ZNF683: variants seen among roughly 807,000 people sequenced by gnomAD.
The protein encoded by ZNF683 is tissue-resident T-cell transcription regulator protein ZNF683.
Under a neutral mutation model 31.4 loss-of-function variants are expected in ZNF683, and 20 were observed. The observed-to-expected ratio is 0.64, with a 90% CI of 0.45 to 0.93. The LOEUF is 0.93. ZNF683 is among the 40% of genes least tolerant of loss of function. ZNF683 has a pLI of 0.00. For missense variants in ZNF683, 621 were observed against 637.2 expected, an observed-to-expected ratio of 0.97 and a Z score of 0.27; for synonymous variants, 264 against 267.6, an observed-to-expected ratio of 0.99 and a Z score of 0.13.
upstream of ZNF683, among the ~76,000 whole-genome samples, chr1:26,374,025 C>T (rs548257075): frequency 6.6e-6 from 1 of 151,836 alleles, no homozygotes; most frequent in East Asian, 1.9e-4. Flanking sequence ...CAGCCACCCC[C>T]TCATTTCTTT....
chr1:26,364,801 G>A lies in ZNF683; in HGVS notation c.745C>T (p.Arg249Trp), dbSNP rs747142995. 37 of 1,285,944 alleles carry A rather than the reference G, an allele frequency of 2.9e-5. No homozygotes were observed. The highest frequency in any genetic ancestry group is 3.8e-4 in the Middle Eastern group (2 of 5,310). The allele number at this position is 1,285,944 out of a possible 1,614,324, so 79.7% of individuals were successfully genotyped here. Reference sequence around the variant, plus strand: ...GGGTAGGGAAGCAGGGTCTCCCACCGAGCGCTGGGGTGCCCCAGCTCATTG... The same window carrying A: ...GGGTAGGGAAGCAGGGTCTCCCACCAAGCGCTGGGGTGCCCCAGCTCATTG... ...MVNELGHPSA[R>W]WETLLPYPGA... The change falls in exon 4 of 6, where the codon CGG (arginine) becomes TGG (tryptophan). Residue 249 changes from arginine (R) to tryptophan (W), a missense_variant. Arg to Trp is a moderately radical substitution (Grantham distance 101). Coordinates refer to ENST00000349618, the MANE Select transcript of ZNF683 (RefSeq NM_001114759.3).
At position 26,365,067 on chromosome 1, in the gene ZNF683, G is replaced by T. The variant is rs369383544; in HGVS notation, c.479C>A (p.Pro160Gln). Residue 160 changes from proline to glutamine, a missense_variant, in exon 4 of 6, where the codon CCG becomes CAG. By Grantham distance (76) the Pro-to-Gln change is moderately conservative. Transcript: ENST00000349618. ...FSSHNSSSPPPLQNRKSPSPL... is the reference protein window; with the variant it reads ...FSSHNSSSPPQLQNRKSPSPL... ...GCTGGGGCTCTTTCTGTTCTGCAGC[G>T]GTGGTGGGGAAGAGCTGTTATGAGA... 1.2e-6 allele frequency: 2 copies of T among 1,606,930 alleles called. No homozygotes were observed. The highest frequency in any genetic ancestry group is 4.5e-5 in the East Asian group (2 of 44,772).
intron 4 of ZNF683, among the ~76,000 whole-genome samples, chr1:26,364,320 G>A (rs2074460066): frequency 6.6e-6 from 1 of 152,120 alleles, no homozygotes; most frequent in Non-Finnish European, 1.5e-5. Flanking sequence ...TAAATGAGAC[G>A]ATCTCATAGG....
intron 1 of ZNF683, chr1:26,370,539 A>T: frequency 3.4e-6 from 2 of 591,200 alleles, no homozygotes; most frequent in East Asian, 1.5e-4. Flanking sequence ...AGACCCTAAG[A>T]CCCTCACTCC....
intron 1 of ZNF683, among the ~76,000 whole-genome samples, chr1:26,371,295 G>A (rs1356373458): frequency 2.0e-5 from 3 of 152,100 alleles, no homozygotes; most frequent in African/African-American, 7.2e-5. Context: ...GGCCCCAAGA[G>A]GCAAAAGATA....
In ZNF683 at chr1:26,364,644, C is replaced by T; in HGVS notation, c.902G>A (p.Ser301Asn). Residue 301 changes from serine (S) to asparagine (N), a missense_variant, in exon 4 of 6, where the codon AGT becomes AAT. By Grantham distance (46) the Ser-to-Asn change is conservative. Coordinates refer to ENST00000349618, the MANE Select transcript of ZNF683 (RefSeq NM_001114759.3). ...CAAGGCTGCGGTGCCTGTCTGGGAA[C>T]TCAATGGGACCCGCTTTGCTGGAGA... is the stretch of plus-strand genomic sequence containing the variant. ...MASPAKRVPLSSQTGTAALPY... is the reference protein window; with the variant it reads ...MASPAKRVPLNSQTGTAALPY... 1 of 1,614,020 alleles carries T rather than the reference C, an allele frequency of 6.2e-7. No homozygotes were observed. Among genetic ancestry groups the T allele is most frequent in the Non-Finnish European group, 8.5e-7 (1 of 1,179,902 alleles).
At chr1:26,363,356 G>A (rs1173049234) in intron 4 of ZNF683, among the ~76,000 whole-genome samples, 2 of 152,182 alleles carry the variant, frequency 1.3e-5, no homozygotes, top group African/African-American at 4.8e-5. Flanking sequence ...GGTACCCCAG[G>A]TATATTGTGG....
At chr1:26,372,847 A>C (rs527940235), upstream of ZNF683, 1 of 1,173,670 alleles carries the variant, frequency 8.5e-7, no homozygotes. Flanking sequence ...GACAAGACAG[A>C]TGATCTGGGA....
intron 2 of ZNF683, among the ~76,000 whole-genome samples, 199 bp downstream of exon 2, chr1:26,368,259 A>G (rs1269279335): frequency 6.6e-6 from 1 of 152,226 alleles, no homozygotes; most frequent in African/African-American, 2.4e-5. Context: ...TATTCCCCAC[A>G]GGAGAGTCTG....
chr1:26,374,445 C>T (rs1321058730), upstream of ZNF683: 3 of 1,167,144 alleles, frequency 2.6e-6, no homozygotes, highest in African/African-American at 4.8e-5. Context: ...TAGGAAATGC[C>T]CCAGGAGGTG....
intron 2 of ZNF683, 38 bp from the exon 3 acceptor site, chr1:26,367,835 T>C (rs2074567484): frequency 6.8e-7 from 1 of 1,467,020 alleles, no homozygotes. Context: ...GGCTGGTGAC[T>C]GGGACTCCAT....
chr1:26,368,651 C>T, intron 1 of ZNF683, 66 bp from the exon 2 acceptor site: 6 of 1,477,548 alleles, frequency 4.1e-6, no homozygotes, highest in Non-Finnish European at 5.4e-6. Flanking sequence ...AGTTCTAGGA[C>T]TGGCTCTCCC....
At chr1:26,373,830 G>T (rs2074713463), upstream of ZNF683, among the ~76,000 whole-genome samples, 1 of 152,132 alleles carries the variant, frequency 6.6e-6, no homozygotes, top group Non-Finnish European at 1.5e-5. Flanking sequence ...CAGCTTTCTT[G>T]CTGTGTCTGG....
At position 26,361,888 on chromosome 1, in the gene ZNF683, C is replaced by T. The variant is rs1019389605; in HGVS notation, c.1278G>A (p.Arg426=). The T allele has an allele frequency of 1.9e-6, 3 of 1,613,988 alleles. No homozygotes were observed. The highest frequency in any genetic ancestry group is 3.3e-5 in the Admixed American group (2 of 60,022). The change falls in exon 6 of 6, where the codon CGG becomes CGA. Residue 426 remains arginine (R), a synonymous_variant. Transcript: ENST00000349618. ...GGCCACAGGGCTGTGGGGCATGCAG[C>T]CGATGGTGCAGCTTCAGGTGGATGT... ...TQHIHLKLHH[R]LHAPQPCGLV...
intron 4 of ZNF683, 47 bp downstream of exon 4, chr1:26,364,485 G>T (rs1206679081): frequency 1.3e-6 from 2 of 1,598,068 alleles, no homozygotes; most frequent in South Asian, 2.2e-5. Flanking sequence ...TGCATGGGGG[G>T]CCCTGAAGGA....
chr1:26,367,825 G>A (rs1334847830), intron 2 of ZNF683, 28 bp from the exon 3 acceptor site: 2 of 1,514,822 alleles, frequency 1.3e-6, no homozygotes, highest in Admixed American at 2.1e-5. Context: ...GGGGCTTGGG[G>A]GCTGGTGACT....
chr1:26,363,018 G>T lies in ZNF683; in HGVS notation c.1143+8C>A. ...TAGGAGTACATAGTAGGGGGAGAAG[G>T]ATCTCACCGAGCACTTGTGGGGCCG... On this transcript the variant is annotated splice_region_variant and intron_variant, in intron 5 of 5. Coordinates refer to ENST00000349618, the MANE Select transcript of ZNF683 (RefSeq NM_001114759.3). 2 of 1,606,270 alleles carry T rather than the reference G, an allele frequency of 1.2e-6. No individual in the cohort carries two copies. Among genetic ancestry groups the T allele is most frequent in the South Asian group, 2.2e-5 (2 of 89,762 alleles).
chr1:26,370,698 TG>T, intron 1 of ZNF683: 2 of 985,486 alleles, frequency 2.0e-6, no homozygotes, highest in Non-Finnish European at 2.4e-6. Context: ...TGCTCCTGGC[TG>T]GGAAGGAAGG....
At position 26,362,009 on chromosome 1, in the gene ZNF683, C is replaced by A; in HGVS notation, c.1157G>T (p.Arg386Leu). 1 of 1,613,638 alleles carries A rather than the reference C, an allele frequency of 6.2e-7. No homozygotes were observed. The highest frequency in any genetic ancestry group is 8.5e-7 in the Non-Finnish European group (1 of 1,179,594). The change falls in exon 6 of 6, where the codon CGC (arginine) becomes CTC (leucine). Residue 386 changes from arginine (R) to leucine (L), a missense_variant. By Grantham distance (102) the Arg-to-Leu change is moderately radical. Transcript: ENST00000349618. ...CTTGAGGTTACTGGAGCTGCTGAAG[C>A]GCTTGTGGCACACCTGACGGGAACG... ...RPHKCSVCHK[R>L]FSSSSNLKTH...
Sources: gnomAD v4.1 joint callset for allele counts (sites outside exome capture counted in the v4.1 genomes callset) on GRCh38, gnomAD v4.1.1 for gene constraint, MANE v1.5 for transcripts, NCBI Gene and HGNC (gene_info 2026-07-23, HGNC 2026-07-21) for gene names.